Variants in KLHL4 observed in about 807,000 individuals in gnomAD.
KLHL4 encodes kelch like family member 4.
A neutral mutation model predicts 45.8 loss-of-function variants in KLHL4; 17 were observed. The ratio of observed to expected loss-of-function variants is 0.37; its 90% CI spans 0.25 to 0.56. KLHL4 has a LOEUF of 0.56. Ranked by LOEUF, KLHL4 falls within the 20% of genes least tolerant of loss-of-function variation. The probability of loss-of-function intolerance (pLI) is 0.79; values close to 1 mark genes in which losing one functional copy is unlikely to be tolerated. For synonymous variants in KLHL4, 224 were observed against 189.9 expected (o/e 1.18, Z -1.47); for missense variants, 544 against 544.9 (o/e 1.00, Z 0.02).
intron 1 of KLHL4, among the ~76,000 whole-genome samples, chrX:87,565,055 C>A (rs1306346829): frequency 8.9e-6 from 1 of 111,770 alleles, no homozygotes; most frequent in Non-Finnish European, 1.9e-5. Flanking sequence ...AAAGAATACA[C>A]GTTTGAACAA....
chrX:87,639,464 A>C lies in KLHL4; in HGVS notation c.1925+3689A>C, dbSNP rs187490740. Among the ~76,000 whole-genome samples, 24 of 111,682 alleles carry C rather than the reference A, an allele frequency of 2.1e-4. 1 individual carries two copies. In the Admixed American group the frequency reaches 2.2e-3, roughly 10 times the overall value. On this transcript the variant is annotated intron_variant, in intron 9 of 10. Coordinates refer to ENST00000373119, the MANE Select transcript of KLHL4 (RefSeq NM_019117.5). ...CAAAACAAGTCTCAGTAAAAGCCAC[A>C]AAACAAGTCTCAGTAAATTTAAGAA...
chrX:87,593,742 G>A (rs1472933788), intron 1 of KLHL4, among the ~76,000 whole-genome samples: 3 of 111,112 alleles, frequency 2.7e-5, no homozygotes, highest in African/African-American at 9.8e-5. Context: ...GGAGCCACCA[G>A]AGAGGTCCAT....
intron 1 of KLHL4, among the ~76,000 whole-genome samples, 159 bp downstream of exon 1, chrX:87,518,474 A>G (rs1930935731): frequency 8.9e-6 from 1 of 112,173 alleles, no homozygotes; most frequent in South Asian, 3.7e-4. Context: ...AGTTTATAAA[A>G]GAAAACAGCA....
chrX:87,623,670 A>G (rs535479681), intron 5 of KLHL4, among the ~76,000 whole-genome samples: 1 of 111,296 alleles, frequency 9.0e-6, no homozygotes, highest in African/African-American at 3.3e-5. Flanking sequence ...GAATCTATCC[A>G]TATGCAATGA....
At chrX:87,562,370 A>C (rs1015619366) in intron 1 of KLHL4, among the ~76,000 whole-genome samples, 5 of 110,162 alleles carry the variant, frequency 4.5e-5, no homozygotes, top group Non-Finnish European at 9.5e-5. Context: ...TGTGGGCCAG[A>C]AGGGAACTTG....
chrX:87,562,984 A>G (rs1344545019), intron 1 of KLHL4, among the ~76,000 whole-genome samples: 1 of 111,328 alleles, frequency 9.0e-6, no homozygotes, highest in Non-Finnish European at 1.9e-5. Flanking sequence ...CTAGTAATCC[A>G]GGCAATCTCC....
At chrX:87,536,450 T>C in intron 1 of KLHL4, among the ~76,000 whole-genome samples, 1 of 111,290 alleles carries the variant, frequency 9.0e-6, no homozygotes, top group Admixed American at 9.7e-5. Flanking sequence ...CTTCCCTTGA[T>C]AGCTATACTG....
chrX:87,579,203 T>C (rs1358644926), intron 1 of KLHL4, among the ~76,000 whole-genome samples: 1 of 109,967 alleles, frequency 9.1e-6, no homozygotes, highest in African/African-American at 3.3e-5. Flanking sequence ...GAGCAAGAGA[T>C]TACAAATTAC....
intron 4 of KLHL4, among the ~76,000 whole-genome samples, chrX:87,619,022 C>A (rs1339151975): frequency 1.8e-5 from 2 of 111,406 alleles, no homozygotes; most frequent in East Asian, 5.6e-4. Context: ...TAAAGCCTTA[C>A]AATAGATGCC....
chrX:87,633,170 G>T (rs1396981793), intron 7 of KLHL4, among the ~76,000 whole-genome samples: 1 of 111,311 alleles, frequency 9.0e-6, no homozygotes, highest in Non-Finnish European at 1.9e-5. Context: ...GGTTGATTGG[G>T]ATAGTGAAGG....
chrX:87,629,603 C>G (rs908601201), intron 6 of KLHL4, among the ~76,000 whole-genome samples: 2 of 111,395 alleles, frequency 1.8e-5, no homozygotes, highest in South Asian at 3.7e-4. Context: ...CCCCACCATT[C>G]GTATCTTCAT....
intron 1 of KLHL4, among the ~76,000 whole-genome samples, chrX:87,578,492 T>A (rs1039445836): frequency 8.9e-6 from 1 of 111,986 alleles, no homozygotes; most frequent in Non-Finnish European, 1.9e-5. Context: ...AAACACTGAT[T>A]TAACAATGAT....
At chrX:87,607,197 CT>C (rs1327129459) in intron 1 of KLHL4, among the ~76,000 whole-genome samples, 2 of 110,406 alleles carry the variant, frequency 1.8e-5, no homozygotes, top group African/African-American at 6.6e-5. Context: ...GTAGATGAAA[CT>C]TAGAGTAGCC....
intron 1 of KLHL4, among the ~76,000 whole-genome samples, chrX:87,600,544 G>T (rs183401871): frequency 1.9e-4 from 21 of 109,191 alleles, no homozygotes; most frequent in African/African-American, 6.7e-4. Context: ...TCTCTCTCTT[G>T]CTCCTGCTTT....
intron 1 of KLHL4, among the ~76,000 whole-genome samples, chrX:87,602,919 A>C (rs922449872): frequency 6.3e-5 from 7 of 111,854 alleles, no homozygotes; most frequent in Non-Finnish European, 7.5e-5. Flanking sequence ...CTGACACTTA[A>C]AATTCTTACA....
intron 1 of KLHL4, among the ~76,000 whole-genome samples, chrX:87,546,756 G>A (rs1030992774): frequency 1.8e-5 from 2 of 112,839 alleles, no homozygotes; most frequent in South Asian, 7.2e-4. Context: ...AGCTGCTCAA[G>A]GATGTGGGAG....
At chrX:87,545,081 ATCACATAAATTT>A (rs1931644562) in intron 1 of KLHL4, among the ~76,000 whole-genome samples, 1 of 112,744 alleles carries the variant, frequency 8.9e-6, no homozygotes, top group Non-Finnish European at 1.9e-5. Flanking sequence ...TCAGAATTCT[ATCACATAAATTT>A]AGCAGATATT....
chrX:87,547,583 G>A (rs773937254), intron 1 of KLHL4, among the ~76,000 whole-genome samples: 1 of 111,248 alleles, frequency 9.0e-6, no homozygotes, highest in Admixed American at 9.6e-5. Context: ...AGCACTTTAG[G>A]AGGCTGAGGC....
chrX:87,618,126 A>G lies in KLHL4; in HGVS notation c.922A>G (p.Met308Val). The G allele has an allele frequency of 1.7e-6, 2 of 1,171,806 alleles. No homozygotes were observed. The highest frequency in any genetic ancestry group is 2.3e-5 in the Admixed American group (1 of 42,569). The change falls in exon 4 of 11, where the codon ATG becomes GTG. Residue 308 changes from methionine to valine, a missense_variant and splice_region_variant. Coordinates refer to ENST00000373119, the MANE Select transcript of KLHL4 (RefSeq NM_019117.5). ...ELLNVAHKYT[M>V]EHFIEVIKNQ... is the part of the protein sequence containing the mutation. ...TCTGAACGTGGCACACAAATACACT[A>G]TGGTAAAATCAATTGCTTCAACTGA... is the stretch of plus-strand genomic sequence containing the variant.
Sources: allele counts gnomAD v4.1 joint callset (sites outside exome capture counted in the v4.1 genomes callset), GRCh38; gene constraint gnomAD v4.1.1; transcripts MANE v1.5; gene names NCBI Gene and HGNC (gene_info 2026-07-23, HGNC 2026-07-21).